Variants in ACSM1 observed in about 807,000 individuals in gnomAD.
ACSM1 encodes the protein acyl-coenzyme A synthetase ACSM1, mitochondrial.
In ACSM1, 79 loss-of-function variants were observed where a neutral mutation model predicts 75.8. That is an observed-to-expected ratio of 1.04 (90% CI 0.87 to 1.26). The LOEUF is 1.26. ACSM1 is among the 50% of genes most tolerant of loss of function. The probability of loss-of-function intolerance (pLI) is 0.00; values close to 1 mark genes in which losing one functional copy is unlikely to be tolerated. For missense variants in ACSM1, 676 were observed against 720.1 expected, an observed-to-expected ratio of 0.94 and a Z score of 0.70; for synonymous variants, 279 against 265.8, an observed-to-expected ratio of 1.05 and a Z score of -0.48.
intron 4 of ACSM1, chr16:20,679,613 T>C (rs978834729): frequency 3.3e-5 from 5 of 152,218 alleles, no homozygotes; most frequent in Admixed American, 1.3e-4. Flanking sequence ...TTTCTGCCTA[T>C]ACTAGAAGGG....
intron 6 of ACSM1, among the ~76,000 whole-genome samples, chr16:20,665,277 A>G (rs1244778983): frequency 6.6e-6 from 1 of 152,158 alleles, no homozygotes; most frequent in Admixed American, 6.6e-5. Flanking sequence ...AAAAATGAGA[A>G]GATCAAAATA....
chr16:20,647,282 C>T (rs553102148), intron 7 of ACSM1, among the ~76,000 whole-genome samples: 198 of 152,254 alleles, frequency 1.3e-3, no homozygotes, highest in Non-Finnish European at 2.4e-3. Context: ...GGACCGGGTT[C>T]GCCCAGTATG....
intron 4 of ACSM1, among the ~76,000 whole-genome samples, chr16:20,672,471 A>AAAAAAAAAAAAAAAAAAAATATAT (rs1555473775): frequency 1.5e-5 from 1 of 64,562 alleles, no homozygotes; most frequent in Non-Finnish European, 2.6e-5. Flanking sequence ...AAAAAAAAAA[A>AAAAAAAAAAAAAAAAAAAATATAT]ATATATATAT....
chr16:20,650,058 G>A (rs2018566277), intron 7 of ACSM1, among the ~76,000 whole-genome samples: 1 of 152,142 alleles, frequency 6.6e-6, no homozygotes, highest in South Asian at 2.1e-4. Flanking sequence ...ATTCTTTTGA[G>A]CTTCTCCTCT....
intron 6 of ACSM1, among the ~76,000 whole-genome samples, chr16:20,667,060 C>T (rs893857217): frequency 6.6e-6 from 1 of 152,156 alleles, no homozygotes; most frequent in South Asian, 2.1e-4. Context: ...GCTAAGTCCC[C>T]AAAACCAATT....
At chr16:20,636,080 G>T (rs2017688098) in intron 10 of ACSM1, among the ~76,000 whole-genome samples, 1 of 152,168 alleles carries the variant, frequency 6.6e-6, no homozygotes, top group South Asian at 2.1e-4. Context: ...AGTGACACCA[G>T]GACAGCCGCC....
At chr16:20,670,289 A>G (rs2019823249) in intron 5 of ACSM1, among the ~76,000 whole-genome samples, 1 of 152,106 alleles carries the variant, frequency 6.6e-6, no homozygotes, top group African/African-American at 2.4e-5. Flanking sequence ...TTTGGCATCA[A>G]CCTTGACCTC....
At chr16:20,623,618 A>AT in intron 13 of ACSM1, 46 bp from the exon 14 acceptor site, 1 of 1,557,968 alleles carries the variant, frequency 6.4e-7, no homozygotes, top group South Asian at 1.1e-5. Flanking sequence ...TCCTGCTGCC[A>AT]TTTCCTAACA....
At chr16:20,684,748 GAGAA>G (rs1380050148) in intron 3 of ACSM1, among the ~76,000 whole-genome samples, 1 of 151,778 alleles carries the variant, frequency 6.6e-6, no homozygotes, top group Admixed American at 6.5e-5. Flanking sequence ...AAGAAAGGGA[GAGAA>G]AGAGAGAGGG....
At chr16:20,630,968 T>G (rs1256023232) in intron 10 of ACSM1, among the ~76,000 whole-genome samples, 3 of 152,232 alleles carry the variant, frequency 2.0e-5, no homozygotes, top group African/African-American at 4.8e-5. Flanking sequence ...GAAATTATCT[T>G]GAGACAAATG....
At chr16:20,687,365 G>A (rs1412990430) in intron 2 of ACSM1, among the ~76,000 whole-genome samples, 3 of 152,070 alleles carry the variant, frequency 2.0e-5, no homozygotes, top group Non-Finnish European at 4.4e-5. Context: ...CCATTTATAC[G>A]GGAAAATTAG....
rs778602518 is a variant in ACSM1 at position 20,625,475 on chromosome 16, G to A, written c.1475C>T (p.Pro492Leu). Reference sequence around the variant, plus strand: ...CACCACGGCTGACTCCGCCACCGCTGGGTGCTCCACCAAAGCGCTTTCAAC... The same window carrying A: ...CACCACGGCTGACTCCGCCACCGCTAGGTGCTCCACCAAAGCGCTTTCAAC... ...AEVESALVEH[P>L]AVAESAVVGS... Residue 492 changes from proline to leucine, a missense_variant, in exon 12 of 14, where the codon CCA (proline) becomes CTA (leucine). Transcript: ENST00000520010. 1 of 1,614,118 alleles carries A rather than the reference G, an allele frequency of 6.2e-7. No individual in the cohort carries two copies. Among genetic ancestry groups the A allele is most frequent in the East Asian group, 2.2e-5 (1 of 44,870 alleles).
rs1308899550 is a variant in ACSM1 at position 20,648,195 on chromosome 16, C to T, written c.993-7611G>A. Among the ~76,000 whole-genome samples the T allele has an allele frequency of 6.6e-6, 1 of 152,198 alleles. No individual in the cohort carries two copies. Among genetic ancestry groups the T allele is most frequent in the African/African-American group, 2.4e-5 (1 of 41,458 alleles). On this transcript the variant is annotated intron_variant, in intron 7 of 13. Coordinates refer to ENST00000520010, the MANE Select transcript of ACSM1 (RefSeq NM_001318890.3). This position sits in a 1 kb window ranked among gnomAD's most constrained non-coding sequence, Gnocchi z 4.2. ...TATCCAGGAGAGACTGAGAATCTGA[C>T]AACTTTAAAAGTCTGAAAAGAAACA... is the stretch of plus-strand genomic sequence containing the variant.
At chr16:20,680,693 A>G (rs534383832) in intron 4 of ACSM1, 1 of 152,210 alleles carries the variant, frequency 6.6e-6, no homozygotes, top group Admixed American at 6.5e-5. Flanking sequence ...GAGACTAAAA[A>G]CAAAACTCTA....
intron 6 of ACSM1, among the ~76,000 whole-genome samples, chr16:20,664,234 C>T (rs1324125399): frequency 6.6e-6 from 1 of 151,488 alleles, no homozygotes; most frequent in Non-Finnish European, 1.5e-5. Flanking sequence ...AAGAAAATAC[C>T]CAACTGTCTT....
chr16:20,693,828 T>C lies in ACSM1; in HGVS notation c.-51-2589A>G, dbSNP rs1033434224. Among the ~76,000 whole-genome samples the C allele has an allele frequency of 2.6e-5, 4 of 152,346 alleles. 1 individual carries two copies. In the Middle Eastern group the frequency reaches 0.014, roughly 518 times the overall value. Reference sequence around the variant, plus strand: ...GGCAGGAATTTCCCCAAAGTCATGATGCAATTTTAATATTGTAAAAAGTAA... The same window carrying C: ...GGCAGGAATTTCCCCAAAGTCATGACGCAATTTTAATATTGTAAAAAGTAA... On this transcript the variant is annotated intron_variant, in intron 1 of 13. Coordinates refer to ENST00000520010, the MANE Select transcript of ACSM1 (RefSeq NM_001318890.3).
chr16:20,636,840 C>T lies in ACSM1; in HGVS notation c.1198G>A (p.Val400Ile), dbSNP rs199681691. ...GKATPPYDVQ[V>I]IDDKGSILPP... ...AGGATGCTGCCCTTGTCATCAATGA[C>T]CTGTAGCAAGAGGCCTGTGAATCAT... Residue 400 changes from valine to isoleucine, a missense_variant and splice_region_variant, in exon 10 of 14, where the codon GTC becomes ATC. Transcript: ENST00000520010. 3.4e-5 allele frequency: 55 copies of T among 1,612,986 alleles called. 1 individual carries two copies. In the Admixed American group the frequency reaches 5.2e-4, roughly 15 times the overall value.
chr16:20,640,137 T>TA (rs1428171598), intron 8 of ACSM1, among the ~76,000 whole-genome samples: 4 of 152,200 alleles, frequency 2.6e-5, no homozygotes, highest in African/African-American at 4.8e-5. Flanking sequence ...TTCTCTGACT[T>TA]ACGTTTATCT....
At chr16:20,668,753 G>A (rs1227998681) in intron 6 of ACSM1, among the ~76,000 whole-genome samples, 2 of 152,172 alleles carry the variant, frequency 1.3e-5, no homozygotes, top group Non-Finnish European at 2.9e-5. Flanking sequence ...GCTAGGTGAA[G>A]CAGAGGTGGC....
Sources: allele counts gnomAD v4.1 joint callset (sites outside exome capture counted in the v4.1 genomes callset), GRCh38; gene constraint gnomAD v4.1.1; non-coding constraint Gnocchi (gnomAD v3.1); transcripts MANE v1.5; gene names NCBI Gene and HGNC (gene_info 2026-07-23, HGNC 2026-07-21).